The following PINX1 variants were observed in gnomAD, a reference collection of about 807,000 sequenced individuals.
PINX1 encodes PIN2/TERF1-interacting telomerase inhibitor 1.
In PINX1, 34 loss-of-function variants were observed where a neutral mutation model predicts 25.4. The ratio of observed to expected loss-of-function variants is 1.34; its 90% CI spans 1.02 to 1.78. PINX1 has a LOEUF of 1.78. Ranked by LOEUF, PINX1 falls within the 40% of genes most tolerant of loss-of-function variation. The probability of loss-of-function intolerance (pLI) is 0.00; values close to 1 mark genes in which losing one functional copy is unlikely to be tolerated. For missense variants in PINX1, 592 were observed against 404.9 expected, an observed-to-expected ratio of 1.46 and a Z score of -3.97; for synonymous variants, 197 against 147.7, an observed-to-expected ratio of 1.33 and a Z score of -2.42.
chr8:10,829,611 A>G (rs4841452), intron 4 of PINX1, among the ~76,000 whole-genome samples: 94,346 of 152,014 alleles, frequency 0.62, 31,130 homozygotes, highest in African/African-American at 0.82. Context: ...CAGGCAGTCT[A>G]ACTCTGGTGT....
At position 10,836,706 on chromosome 8, in the gene PINX1, G is replaced by A. The variant is rs577273146; in HGVS notation, c.20-1931C>T. ...GATGTTGGGGGGGCGGGGGGTGGCA[G>A]TTTCCCATTGAAAATGAGTAACACT... On this transcript the variant is annotated intron_variant, in intron 1 of 6. Coordinates refer to ENST00000314787, the MANE Select transcript of PINX1 (RefSeq NM_017884.6). 6.6e-5 allele frequency among the ~76,000 whole-genome samples: 10 copies of A among 152,168 alleles called. No individual in the cohort carries two copies. In the South Asian group the frequency reaches 1.4e-3, roughly 22 times the overall value.
chr8:10,781,562 G>C (rs1284657220), intron 6 of PINX1, among the ~76,000 whole-genome samples: 1 of 152,180 alleles, frequency 6.6e-6, no homozygotes, highest in East Asian at 1.9e-4. Context: ...TTTCTCAAAA[G>C]ATGACATACA....
At chr8:10,831,810 A>C in intron 3 of PINX1, 67 bp from the exon 4 acceptor site, 1 of 869,820 alleles carries the variant, frequency 1.1e-6, no homozygotes, top group South Asian at 1.5e-5. Context: ...GAGATGATAC[A>C]TTTTGGAATC....
At chr8:10,786,772 A>C (rs1046829149) in intron 6 of PINX1, among the ~76,000 whole-genome samples, 3 of 152,072 alleles carry the variant, frequency 2.0e-5, no homozygotes, top group African/African-American at 7.2e-5. Context: ...AGCAGTCCTG[A>C]AAGCACTCCT....
At chr8:10,819,232 G>A (rs1007377659) in intron 6 of PINX1, among the ~76,000 whole-genome samples, 1 of 152,152 alleles carries the variant, frequency 6.6e-6, no homozygotes, top group Admixed American at 6.5e-5. Context: ...CTAACCACTG[G>A]TAATTCTGGA....
chr8:10,793,380 C>T (rs1268820773), intron 6 of PINX1, among the ~76,000 whole-genome samples: 1 of 152,176 alleles, frequency 6.6e-6, no homozygotes, highest in Non-Finnish European at 1.5e-5. Context: ...CTTCCCAGGG[C>T]CACGCTGGAA....
intron 5 of PINX1, chr8:10,825,424 G>T (rs199678358): frequency 1.9e-6 from 1 of 534,680 alleles, no homozygotes; most frequent in Admixed American, 1.9e-5. Context: ...GTAATAAGTA[G>T]GTTTCTAATT....
intron 6 of PINX1, among the ~76,000 whole-genome samples, chr8:10,768,710 A>G (rs1373300148): frequency 6.6e-6 from 1 of 152,224 alleles, no homozygotes; most frequent in Non-Finnish European, 1.5e-5. Context: ...GGAAAAATAC[A>G]TTGAAAATCT....
At chr8:10,800,966 G>A (rs971089640) in intron 6 of PINX1, among the ~76,000 whole-genome samples, 2 of 152,228 alleles carry the variant, frequency 1.3e-5, no homozygotes, top group African/African-American at 4.8e-5. Context: ...GTCAGTGTGA[G>A]ATGGCGGCCC....
Position 10,794,879 on chromosome 8 carries a change from A to G in PINX1, c.471+25314T>C, listed in dbSNP as rs186596198. Among the ~76,000 whole-genome samples the G allele has an allele frequency of 2.3e-3, 345 of 152,332 alleles. 1 individual carries two copies. Among genetic ancestry groups the G allele is most frequent in the African/African-American group, 8.1e-3 (336 of 41,568 alleles). ...AGTGCTCTGAATTCCTCCCAGGAACAGAAAGACCATTTATCTACTGTATTT... is the reference window on the plus strand; with the variant it reads ...AGTGCTCTGAATTCCTCCCAGGAACGGAAAGACCATTTATCTACTGTATTT... On this transcript the variant is annotated intron_variant, in intron 6 of 6. Coordinates refer to ENST00000314787, the MANE Select transcript of PINX1 (RefSeq NM_017884.6).
In PINX1 at chr8:10,776,380, G is replaced by A. The variant is rs190979651; in HGVS notation, c.472-10464C>T. ...GCGGAGGTTGCAGTGAGCCGAAGTC[G>A]TGCCACTGCACTCCGGCCTGGGTAA... On this transcript the variant is annotated intron_variant, in intron 6 of 6. Transcript: ENST00000314787. 2.6e-5 allele frequency among the ~76,000 whole-genome samples: 4 copies of A among 152,080 alleles called. No homozygotes were observed. The East Asian group carries it at 7.7e-4, about 29-fold the overall frequency.
At chr8:10,772,603 G>A (rs1244582160) in intron 6 of PINX1, among the ~76,000 whole-genome samples, 2 of 152,236 alleles carry the variant, frequency 1.3e-5, no homozygotes, top group East Asian at 1.9e-4. Flanking sequence ...CCAAGTCTCG[G>A]CAATGAGCAG....
chr8:10,782,136 AGAGAGT>A (rs1419481174), intron 6 of PINX1, among the ~76,000 whole-genome samples: 1 of 152,236 alleles, frequency 6.6e-6, no homozygotes, highest in Non-Finnish European at 1.5e-5. Context: ...GAATAGAAAT[AGAGAGT>A]AAGATAAAAT....
At chr8:10,794,228 C>G (rs967114324) in intron 6 of PINX1, among the ~76,000 whole-genome samples, 1 of 152,110 alleles carries the variant, frequency 6.6e-6, no homozygotes, top group South Asian at 2.1e-4. Flanking sequence ...GGTAATCTAT[C>G]ACGATTAAAA....
intron 5 of PINX1, among the ~76,000 whole-genome samples, chr8:10,820,810 C>A (rs1448537289): frequency 1.3e-5 from 2 of 152,056 alleles, no homozygotes; most frequent in Non-Finnish European, 2.9e-5. Context: ...ATATGTAAAT[C>A]AAAAATACTG....
At chr8:10,784,848 T>A (rs752768908) in intron 6 of PINX1, among the ~76,000 whole-genome samples, 2 of 152,176 alleles carry the variant, frequency 1.3e-5, no homozygotes, top group South Asian at 4.1e-4. Flanking sequence ...AAAGATAAAC[T>A]TGTCAAAGAA....
At chr8:10,828,794 A>C (rs957082565) in intron 4 of PINX1, among the ~76,000 whole-genome samples, 1 of 152,162 alleles carries the variant, frequency 6.6e-6, no homozygotes, top group African/African-American at 2.4e-5. Context: ...TTTACAAAGG[A>C]AAGGCACAAC....
chr8:10,808,192 G>C (rs992213884), intron 6 of PINX1, among the ~76,000 whole-genome samples: 5 of 152,210 alleles, frequency 3.3e-5, no homozygotes, highest in African/African-American at 1.2e-4. Context: ...ACAATCAGTA[G>C]TTTGAGTGGT....
At chr8:10,793,513 G>A (rs1277104690) in intron 6 of PINX1, among the ~76,000 whole-genome samples, 1 of 152,124 alleles carries the variant, frequency 6.6e-6, no homozygotes, top group Non-Finnish European at 1.5e-5. Flanking sequence ...TTTGTGTTGG[G>A]CCACATTCAA....
Sources: gnomAD v4.1 joint callset for allele counts (sites outside exome capture counted in the v4.1 genomes callset) on GRCh38, gnomAD v4.1.1 for gene constraint, MANE v1.5 for transcripts, NCBI Gene and HGNC (gene_info 2026-07-23, HGNC 2026-07-21) for gene names.